The following NOVA1 variants were observed in gnomAD, a reference collection of about 807,000 sequenced individuals.
The protein encoded by NOVA1 is RNA-binding protein Nova-1.
NOVA1 carries 7 observed loss-of-function variants against 38.0 expected under a neutral mutation model. The ratio of observed to expected loss-of-function variants is 0.18; its 90% CI spans 0.10 to 0.35. NOVA1 has a LOEUF of 0.35. Among genes scored for constraint, NOVA1 ranks in the 10% least tolerant of loss-of-function variants. NOVA1 has a pLI of 1.00. For synonymous variants in NOVA1, 270 were observed against 232.5 expected (o/e 1.16, Z -1.47); for missense variants, 460 against 616.0 (o/e 0.75, Z 2.68).
At chr14:26,530,541 T>C (rs1202248141) in intron 2 of NOVA1, among the ~76,000 whole-genome samples, 1 of 152,166 alleles carries the variant, frequency 6.6e-6, no homozygotes, top group African/African-American at 2.4e-5. Context: ...CTATAATACT[T>C]ATCTCTGGGA....
chr14:26,557,878 T>C (rs1891590211), intron 2 of NOVA1, among the ~76,000 whole-genome samples: 1 of 151,704 alleles, frequency 6.6e-6, no homozygotes, highest in African/African-American at 2.4e-5. Flanking sequence ...ACAATACAGG[T>C]GGATGGATAA....
At chr14:26,580,214 G>GA in intron 2 of NOVA1, among the ~76,000 whole-genome samples, 1 of 152,044 alleles carries the variant, frequency 6.6e-6, no homozygotes, top group East Asian at 1.9e-4. Context: ...TTAGTATCCT[G>GA]AAAAAGATCA....
intron 2 of NOVA1, among the ~76,000 whole-genome samples, chr14:26,592,416 T>C (rs536369998): frequency 6.6e-5 from 10 of 151,314 alleles, no homozygotes; most frequent in East Asian, 1.9e-4. Context: ...AAAAAAGGTA[T>C]ATTCCTAAAC....
rs564543882 is a variant in NOVA1 at position 26,505,024 on chromosome 14, T to C, written c.281-24881A>G. ...AATTTTGTCTTGAGCTAGCTAGCCATACTCAGGTAAAACAGATGAGTTAAA... is the reference window on the plus strand; with the variant it reads ...AATTTTGTCTTGAGCTAGCTAGCCACACTCAGGTAAAACAGATGAGTTAAA... On this transcript the variant is annotated intron_variant, in intron 2 of 4. Coordinates refer to ENST00000539517, the MANE Select transcript of NOVA1 (RefSeq NM_002515.3). Among the ~76,000 whole-genome samples the C allele has an allele frequency of 7.7e-4, 43 of 55,610 alleles. 1 individual carries two copies. The South Asian group carries it at 0.022, about 28-fold the overall frequency. 36.5% of individuals were successfully genotyped at this position (55,610 alleles called of 152,430 possible).
chr14:26,541,365 T>TA (rs1293742786), intron 2 of NOVA1, among the ~76,000 whole-genome samples: 2 of 151,826 alleles, frequency 1.3e-5, no homozygotes, highest in Non-Finnish European at 2.9e-5. Flanking sequence ...AATTTACAGT[T>TA]AATCACTTAC....
chr14:26,566,646 C>T (rs1278508036), intron 2 of NOVA1, among the ~76,000 whole-genome samples: 1 of 152,040 alleles, frequency 6.6e-6, no homozygotes, highest in South Asian at 2.1e-4. Context: ...ATGGCCAAGG[C>T]TACAGATGCA....
At chr14:26,540,511 T>G (rs1327711348) in intron 2 of NOVA1, among the ~76,000 whole-genome samples, 1 of 152,160 alleles carries the variant, frequency 6.6e-6, no homozygotes, top group African/African-American at 2.4e-5. Context: ...TTTTTAAAAA[T>G]GGAAACAAAA....
intron 2 of NOVA1, among the ~76,000 whole-genome samples, chr14:26,544,159 A>T (rs550922053): frequency 5.3e-5 from 8 of 151,988 alleles, no homozygotes; most frequent in Non-Finnish European, 1.0e-4. Flanking sequence ...TTTTAAAGGA[A>T]CTTACCTAAA....
intron 2 of NOVA1, among the ~76,000 whole-genome samples, chr14:26,583,762 A>G (rs1252141395): frequency 6.6e-6 from 1 of 151,392 alleles, no homozygotes; most frequent in Non-Finnish European, 1.5e-5. Flanking sequence ...ACAAAAATTC[A>G]AGCAAAAAAA....
intron 4 of NOVA1, among the ~76,000 whole-genome samples, chr14:26,456,620 T>C (rs1430203048): frequency 6.6e-6 from 1 of 152,056 alleles, no homozygotes; most frequent in Non-Finnish European, 1.5e-5. Context: ...TTTTCTTTTT[T>C]AAAACATTGG....
At chr14:26,583,804 A>C (rs2138779318) in intron 2 of NOVA1, among the ~76,000 whole-genome samples, 1 of 151,382 alleles carries the variant, frequency 6.6e-6, no homozygotes, top group East Asian at 1.9e-4. Flanking sequence ...AATAAATAGT[A>C]AGTTTTAATT....
intron 2 of NOVA1, among the ~76,000 whole-genome samples, chr14:26,515,497 T>C (rs1000395366): frequency 3.9e-5 from 6 of 152,004 alleles, no homozygotes; most frequent in Non-Finnish European, 7.4e-5. Flanking sequence ...TTGTTCATAA[T>C]ATATGCAAAC....
chr14:26,545,054 T>C (rs1451364139), intron 2 of NOVA1, among the ~76,000 whole-genome samples: 1 of 152,140 alleles, frequency 6.6e-6, no homozygotes, highest in Non-Finnish European at 1.5e-5. Context: ...GTTGTGAATT[T>C]GTTTAGGGAA....
intron 2 of NOVA1, among the ~76,000 whole-genome samples, chr14:26,491,241 A>C (rs1006848438): frequency 4.6e-5 from 7 of 151,752 alleles, no homozygotes; most frequent in Non-Finnish European, 8.8e-5. Context: ...TCTGGACTCA[A>C]GTGATCCCAC....
intron 2 of NOVA1, among the ~76,000 whole-genome samples, chr14:26,571,096 GTTAAATAATATGGATTAAAATATTTTGAA>G (rs1892445194): frequency 6.6e-6 from 1 of 151,516 alleles, no homozygotes; most frequent in Non-Finnish European, 1.5e-5. Flanking sequence ...TGGTTTACAG[GTTAAATAATATGGATTAAAATATTTTGAA>G]TTAAATAATA....
chr14:26,550,076 A>G (rs1180164737), intron 2 of NOVA1, among the ~76,000 whole-genome samples: 3 of 152,130 alleles, frequency 2.0e-5, no homozygotes, highest in Non-Finnish European at 4.4e-5. Flanking sequence ...ATAACAATAA[A>G]CCAAATGTTA....
chr14:26,517,342 C>A (rs531385145), intron 2 of NOVA1, among the ~76,000 whole-genome samples: 1 of 152,258 alleles, frequency 6.6e-6, no homozygotes, highest in Admixed American at 6.5e-5. Context: ...TACCGCTCCT[C>A]GGACAGGCCT....
intron 4 of NOVA1, among the ~76,000 whole-genome samples, chr14:26,465,981 G>C (rs897886122): frequency 6.6e-6 from 1 of 152,116 alleles, no homozygotes; most frequent in Admixed American, 6.6e-5. Context: ...GGAGTACAGG[G>C]GGGGAAGGGG....
chr14:26,490,217 T>C lies in NOVA1; in HGVS notation c.281-10074A>G, dbSNP rs146229274. ...CTTATTACAGCGTAACAATATTCCA[T>C]TGCATGTTACATACCATATTTTATT... On this transcript the variant is annotated intron_variant, in intron 2 of 4. Coordinates refer to ENST00000539517, the MANE Select transcript of NOVA1 (RefSeq NM_002515.3). Among the ~76,000 whole-genome samples the C allele has an allele frequency of 3.3e-3, 507 of 152,324 alleles. 3 individuals carry two copies. Among genetic ancestry groups the C allele is most frequent in the African/African-American group, 0.012 (487 of 41,576 alleles).
Sources: gnomAD v4.1 joint callset for allele counts (sites outside exome capture counted in the v4.1 genomes callset) on GRCh38, gnomAD v4.1.1 for gene constraint, MANE v1.5 for transcripts, NCBI Gene and HGNC (gene_info 2026-07-23, HGNC 2026-07-21) for gene names.